STARD9: variants seen among roughly 807,000 people sequenced by gnomAD.
STARD9 encodes StAR related lipid transfer domain containing 9.
A neutral mutation model predicts 399.8 loss-of-function variants in STARD9; 346 were observed. The ratio of observed to expected loss-of-function variants is 0.87; its 90% CI spans 0.79 to 0.95. STARD9 has a LOEUF of 0.95. Ranked by LOEUF, STARD9 falls within the 40% of genes least tolerant of loss-of-function variation. STARD9 has a pLI of 0.00. For synonymous variants in STARD9, 2,203 were observed against 2,143.5 expected, an observed-to-expected ratio of 1.03 and a Z score of -0.77; for missense variants, 5,832 against 5,667.5, an observed-to-expected ratio of 1.03 and a Z score of -0.93.
chr15:42,711,128 C>G (rs1043107754), intron 26 of STARD9, among the ~76,000 whole-genome samples: 1 of 151,548 alleles, frequency 6.6e-6, no homozygotes, highest in Non-Finnish European at 1.5e-5. Context: ...CCATCGTAAG[C>G]TACCACATAA....
chr15:42,687,715 A>G lies in STARD9; in HGVS notation c.6137A>G (p.Glu2046Gly). 1.3e-6 allele frequency: 2 copies of G among 1,537,564 alleles called. No individual in the cohort carries two copies. Among genetic ancestry groups the G allele is most frequent in the Non-Finnish European group, 8.7e-7 (1 of 1,146,978 alleles). The stretch of plus-strand genomic sequence containing the variant: ...AATAAAAGAGTTAATAATACTGATG[A>G]AATGGCTAGGCTAATTAGGAGTGTA... ...KQNKRVNNTD[E>G]MARLIRSVMQ... is the part of the protein sequence containing the mutation. Residue 2046 changes from glutamate (E) to glycine (G), a missense_variant, in exon 23 of 33, where the codon GAA (glutamate) becomes GGA (glycine). Physicochemically the swap from Glu to Gly is moderately conservative, Grantham distance 98. Coordinates refer to ENST00000290607, the MANE Select transcript of STARD9 (RefSeq NM_020759.3).
At chr15:42,651,720 A>G (rs1167253297) in intron 8 of STARD9, among the ~76,000 whole-genome samples, 1 of 152,214 alleles carries the variant, frequency 6.6e-6, no homozygotes, top group Non-Finnish European at 1.5e-5. Flanking sequence ...ACATAAAGGA[A>G]GAAATTTAAA....
At chr15:42,615,083 A>G (rs1208343704) in intron 3 of STARD9, among the ~76,000 whole-genome samples, 1 of 147,712 alleles carries the variant, frequency 6.8e-6, no homozygotes, top group African/African-American at 2.5e-5. Flanking sequence ...ATCTTGGCTC[A>G]CTGCCATCTC....
At chr15:42,599,491 C>T (rs370550265) in intron 3 of STARD9, among the ~76,000 whole-genome samples, 4 of 152,280 alleles carry the variant, frequency 2.6e-5, no homozygotes, top group South Asian at 2.1e-4. Flanking sequence ...CAGTTTCTAT[C>T]GTACAAAATA....
rs1173953279 is a variant in STARD9 at position 42,615,514 on chromosome 15, A to T, written c.235-19342A>T. Among the ~76,000 whole-genome samples, 21 of 152,022 alleles carry T rather than the reference A, an allele frequency of 1.4e-4. 1 individual carries two copies. The highest frequency in any genetic ancestry group is 1.3e-3 in the Admixed American group (20 of 15,262). On this transcript the variant is annotated intron_variant, in intron 3 of 32. Coordinates refer to ENST00000290607, the MANE Select transcript of STARD9 (RefSeq NM_020759.3). ...TTTAGTTAAAAAATTATTTAATAAC[A>T]TCCCATTTTTAAAAAATATTAAAAA...
chr15:42,626,440 TCTC>T (rs1419503340), intron 3 of STARD9, among the ~76,000 whole-genome samples: 85 of 135,362 alleles, frequency 6.3e-4, no homozygotes, highest in African/African-American at 2.3e-3. Context: ...TCTTCTTCCT[TCTC>T]CTCCTCCTCT....
At chr15:42,638,454 C>T (rs2059462102) in intron 6 of STARD9, among the ~76,000 whole-genome samples, 1 of 151,938 alleles carries the variant, frequency 6.6e-6, no homozygotes, top group Non-Finnish European at 1.5e-5. Flanking sequence ...TGCAGTGAGC[C>T]AAGATTGTGC....
intron 3 of STARD9, among the ~76,000 whole-genome samples, chr15:42,592,809 G>C (rs921876134): frequency 6.6e-6 from 1 of 152,142 alleles, no homozygotes; most frequent in Admixed American, 6.5e-5. Context: ...GTTAATATTT[G>C]GACTTGCAGC....
intron 1 of STARD9, among the ~76,000 whole-genome samples, chr15:42,580,127 A>G (rs2058137488): frequency 6.6e-6 from 1 of 152,220 alleles, no homozygotes; most frequent in Non-Finnish European, 1.5e-5. Context: ...AAGTAAAAGA[A>G]TGGGAAGATG....
At chr15:42,632,372 G>A (rs929363316) in intron 3 of STARD9, among the ~76,000 whole-genome samples, 3 of 152,042 alleles carry the variant, frequency 2.0e-5, no homozygotes, top group Non-Finnish European at 2.9e-5. Flanking sequence ...GTTGGGTCTT[G>A]TTTTTTAAAT....
Position 42,687,970 on chromosome 15 carries a change from G to C in STARD9, c.6392G>C (p.Gly2131Ala). ...DDTVFRDSEA[G>A]AMEVNSIGNH... ...ACTGTCTTTAGGGATAGTGAAGCTGGAGCGATGGAGGTTAACAGCATTGGG... is the reference window on the plus strand; with the variant it reads ...ACTGTCTTTAGGGATAGTGAAGCTGCAGCGATGGAGGTTAACAGCATTGGG... Residue 2131 changes from glycine (G) to alanine (A), a missense_variant, in exon 23 of 33, where the codon GGA becomes GCA. This residue lies in a region of STARD9 where 5,828 missense variants were observed against 5,651.1 expected (regional missense o/e 1.03). Coordinates refer to ENST00000290607, the MANE Select transcript of STARD9 (RefSeq NM_020759.3). The C allele has an allele frequency of 6.5e-7, 1 of 1,537,436 alleles. No homozygotes were observed. The highest frequency in any genetic ancestry group is 1.2e-5 in the South Asian group (1 of 84,054).
intron 3 of STARD9, among the ~76,000 whole-genome samples, chr15:42,589,471 A>G (rs1473703860): frequency 6.6e-6 from 1 of 152,192 alleles, no homozygotes; most frequent in Admixed American, 6.5e-5. Context: ...CTATTTCCCC[A>G]GGCCCTCACA....
rs1486350438 is a variant in STARD9 at position 42,693,744 on chromosome 15, A to G, written c.12166A>G (p.Thr4056Ala). ...GREPSQWQSR[T>A]ENGGESSASP... Reference sequence around the variant, plus strand: ...GGAGCCAAGTCAGTGGCAGAGCAGGACAGAAAATGGAGGTGAGAGTTCAGC... The same window carrying G: ...GGAGCCAAGTCAGTGGCAGAGCAGGGCAGAAAATGGAGGTGAGAGTTCAGC... Residue 4056 changes from threonine (T) to alanine (A), a missense_variant, in exon 23 of 33, where the codon ACA (threonine) becomes GCA (alanine). Physicochemically the swap from Thr to Ala is moderately conservative, Grantham distance 58. Coordinates refer to ENST00000290607, the MANE Select transcript of STARD9 (RefSeq NM_020759.3). 6.5e-7 allele frequency: 1 copy of G among 1,536,758 alleles called. No individual in the cohort carries two copies. Among genetic ancestry groups the G allele is most frequent in the Non-Finnish European group, 8.7e-7 (1 of 1,146,866 alleles).
chr15:42,581,127 A>G, intron 1 of STARD9: 1 of 729,582 alleles, frequency 1.4e-6, no homozygotes, highest in Non-Finnish European at 2.6e-6. Context: ...CAGGAGAGTC[A>G]GATGCCCATC....
chr15:42,674,517 G>A (rs1340583571), intron 17 of STARD9, 26 bp downstream of exon 17: 2 of 1,530,480 alleles, frequency 1.3e-6, no homozygotes, highest in Non-Finnish European at 1.8e-6. Context: ...TATGAGTCCA[G>A]CATTTTGGGG....
Position 42,626,943 on chromosome 15 carries a change from G to A in STARD9, c.235-7913G>A, listed in dbSNP as rs774811679. Among the ~76,000 whole-genome samples, 10 of 151,456 alleles carry A rather than the reference G, an allele frequency of 6.6e-5. No individual in the cohort carries two copies. The South Asian group carries it at 1.7e-3, about 25-fold the overall frequency. On this transcript the variant is annotated intron_variant, in intron 3 of 32. Coordinates refer to ENST00000290607, the MANE Select transcript of STARD9 (RefSeq NM_020759.3). ...TCGGCTCACTGCAACTTCTACCTCCGCGGCTAAAGCGATCCTTCAACTTCA... is the reference window on the plus strand; with the variant it reads ...TCGGCTCACTGCAACTTCTACCTCCACGGCTAAAGCGATCCTTCAACTTCA...
intron 25 of STARD9, 40 bp from the exon 26 acceptor site, chr15:42,695,703 G>A: frequency 6.6e-7 from 1 of 1,521,954 alleles, no homozygotes. Context: ...GAAAGTGAGG[G>A]TGCATCAGAA....
At chr15:42,682,993 CT>C (rs1200399845) in intron 22 of STARD9, among the ~76,000 whole-genome samples, 13 of 152,204 alleles carry the variant, frequency 8.5e-5, no homozygotes, top group African/African-American at 3.1e-4. Flanking sequence ...ATCAAGTGAG[CT>C]TTCTCACCCC....
In STARD9 at chr15:42,687,953, T is replaced by C; in HGVS notation, c.6375T>C (p.Phe2125=). ...SSPRQTDDTV[F]RDSEAGAMEV... The stretch of plus-strand genomic sequence containing the variant: ...CAAGACAGACAGATGATACTGTCTT[T>C]AGGGATAGTGAAGCTGGAGCGATGG... The change falls in exon 23 of 33, where the codon TTT becomes TTC. Residue 2125 remains phenylalanine (F), a synonymous_variant. Coordinates refer to ENST00000290607, the MANE Select transcript of STARD9 (RefSeq NM_020759.3). 6.5e-7 allele frequency: 1 copy of C among 1,537,392 alleles called. No homozygotes were observed. Among genetic ancestry groups the C allele is most frequent in the Non-Finnish European group, 8.7e-7 (1 of 1,146,960 alleles).
Sources: allele counts gnomAD v4.1 joint callset (sites outside exome capture counted in the v4.1 genomes callset), GRCh38; gene constraint gnomAD v4.1.1; regional missense constraint gnomAD v4.1.1; transcripts MANE v1.5; gene names NCBI Gene and HGNC (gene_info 2026-07-23, HGNC 2026-07-21).